SERINC5: variants seen among roughly 807,000 people sequenced by gnomAD.
SERINC5 encodes the protein serine incorporator 5.
In SERINC5, 41 loss-of-function variants were observed where a neutral mutation model predicts 63.1. That is an observed-to-expected ratio of 0.65 (90% CI 0.51 to 0.84). The LOEUF (loss-of-function observed/expected upper bound fraction) is 0.84, where lower values mean the gene tolerates loss of function less well. SERINC5 is among the 40% of genes least tolerant of loss of function. The probability of loss-of-function intolerance (pLI) is 0.00; values close to 1 mark genes in which losing one functional copy is unlikely to be tolerated. For missense variants in SERINC5, 523 were observed against 573.0 expected, an observed-to-expected ratio of 0.91 and a Z score of 0.89; for synonymous variants, 222 against 215.2, an observed-to-expected ratio of 1.03 and a Z score of -0.28.
chr5:80,168,343 T>C (rs140308582), intron 6 of SERINC5, among the ~76,000 whole-genome samples: 11 of 152,000 alleles, frequency 7.2e-5, no homozygotes, highest in Non-Finnish European at 1.3e-4. Flanking sequence ...AATACAGGCG[T>C]GTCCCACCAT....
intron 11 of SERINC5, chr5:80,129,102 G>C (rs1744847095): frequency 6.6e-6 from 1 of 152,216 alleles, no homozygotes; most frequent in Non-Finnish European, 1.5e-5. Context: ...TGACAGGAGA[G>C]TTGTATGGAA....
intron 2 of SERINC5, among the ~76,000 whole-genome samples, chr5:80,189,016 G>T (rs571684713): frequency 4.6e-5 from 7 of 152,150 alleles, no homozygotes; most frequent in African/African-American, 1.7e-4. Context: ...GTTTTTTTCT[G>T]ATTTTTTCTC....
chr5:80,166,392 C>T lies in SERINC5; in HGVS notation c.850G>A (p.Ala284Thr), dbSNP rs1462771146. The change falls in exon 7 of 12, where the codon GCA becomes ACA. Residue 284 changes from alanine (A) to threonine (T), a missense_variant. Coordinates refer to ENST00000507668, the MANE Select transcript of SERINC5 (RefSeq NM_001174072.3). ...TAACAGGCTGGCTTACCTACTTCTG[C>T]AGGTTTGCTGGACAGAGCTGAGAAG... ...LTFSALSSKP[A>T]EVVLDEHGKN... 60 of 1,583,424 alleles carry T rather than the reference C, an allele frequency of 3.8e-5. No homozygotes were observed. Among genetic ancestry groups the T allele is most frequent in the Non-Finnish European group, 5.1e-5 (59 of 1,164,152 alleles).
chr5:80,196,312 A>G (rs1049618577), intron 2 of SERINC5, among the ~76,000 whole-genome samples: 1 of 152,084 alleles, frequency 6.6e-6, no homozygotes, highest in African/African-American at 2.4e-5. Context: ...AGAGGAGATG[A>G]CCACCTCACA....
chr5:80,199,150 G>A (rs1043334529), intron 2 of SERINC5, among the ~76,000 whole-genome samples: 4 of 152,012 alleles, frequency 2.6e-5, no homozygotes, highest in Non-Finnish European at 4.4e-5. Flanking sequence ...ATTTCACCTC[G>A]CCTCACCTCT....
At chr5:80,252,119 G>A (rs1752456459) in intron 1 of SERINC5, among the ~76,000 whole-genome samples, 1 of 140,602 alleles carries the variant, frequency 7.1e-6, no homozygotes, top group Admixed American at 7.7e-5. Flanking sequence ...CTAGGGTGCA[G>A]TGCTCAATAT....
chr5:80,172,711 A>C (rs144661195), intron 5 of SERINC5, among the ~76,000 whole-genome samples: 1 of 152,350 alleles, frequency 6.6e-6, no homozygotes, highest in East Asian at 1.9e-4. Context: ...AAGAAGGAAA[A>C]AAATATCTAA....
At chr5:80,253,013 A>G (rs1752499452) in intron 1 of SERINC5, among the ~76,000 whole-genome samples, 1 of 152,236 alleles carries the variant, frequency 6.6e-6, no homozygotes, top group South Asian at 2.1e-4. Context: ...AATGTAACGA[A>G]GCCAAGAAAC....
intron 1 of SERINC5, among the ~76,000 whole-genome samples, chr5:80,236,335 G>A (rs1441450573): frequency 3.9e-5 from 6 of 152,106 alleles, no homozygotes; most frequent in Admixed American, 2.6e-4. Flanking sequence ...GTAAATGGCT[G>A]AGAACATACC....
chr5:80,205,746 A>C (rs944563837), intron 1 of SERINC5, among the ~76,000 whole-genome samples: 1 of 152,056 alleles, frequency 6.6e-6, no homozygotes, highest in Non-Finnish European at 1.5e-5. Context: ...CTAGCTGTGA[A>C]CTACAAGCAA....
chr5:80,251,937 T>A (rs1382851403), intron 1 of SERINC5, among the ~76,000 whole-genome samples: 1 of 49,708 alleles, frequency 2.0e-5, no homozygotes, highest in African/African-American at 6.6e-5. Flanking sequence ...TGCCTATACT[T>A]GCCTGCAGCA....
At chr5:80,133,170 ACT>A (rs1439902737) in intron 11 of SERINC5, among the ~76,000 whole-genome samples, 4 of 152,268 alleles carry the variant, frequency 2.6e-5, no homozygotes, top group East Asian at 1.9e-4. Flanking sequence ...GTAAAAGCTC[ACT>A]GAGGCCTCTC....
At chr5:80,161,580 T>A (rs73125991) in intron 7 of SERINC5, among the ~76,000 whole-genome samples, 46,408 of 152,082 alleles carry the variant, frequency 0.31, 8,423 homozygotes, top group African/African-American at 0.51. Flanking sequence ...TGTTGAATTG[T>A]GTTCCTTGTA....
chr5:80,151,054 C>T (rs1580068640), intron 8 of SERINC5, 106 bp from the exon 9 acceptor site: 3 of 809,768 alleles, frequency 3.7e-6, no homozygotes, highest in Admixed American at 1.8e-5. Flanking sequence ...CTCAATGTAA[C>T]CTACCGTTCA....
At chr5:80,176,037 G>A (rs867044959) in intron 4 of SERINC5, among the ~76,000 whole-genome samples, 61 of 151,972 alleles carry the variant, frequency 4.0e-4, no homozygotes, top group African/African-American at 1.3e-3. Context: ...AAATTAGCCA[G>A]GCGTGGTGGT....
At chr5:80,154,417 G>A (rs867163033) in intron 8 of SERINC5, among the ~76,000 whole-genome samples, 1 of 152,034 alleles carries the variant, frequency 6.6e-6, no homozygotes, top group Non-Finnish European at 1.5e-5. Context: ...GACCTCAGAC[G>A]ATCCACCCGC....
At chr5:80,187,636 C>T (rs1748895964) in intron 2 of SERINC5, among the ~76,000 whole-genome samples, 1 of 152,158 alleles carries the variant, frequency 6.6e-6, no homozygotes, top group African/African-American at 2.4e-5. Context: ...ATAACAACAA[C>T]CAGTACTGGC....
intron 2 of SERINC5, among the ~76,000 whole-genome samples, chr5:80,187,194 T>C (rs1236583098): frequency 6.6e-6 from 1 of 152,106 alleles, no homozygotes. Flanking sequence ...AATGCAATAT[T>C]AGCAAAGCTA....
chr5:80,126,483 T>C (rs1277768266), intron 11 of SERINC5, among the ~76,000 whole-genome samples: 1 of 152,204 alleles, frequency 6.6e-6, no homozygotes, highest in Non-Finnish European at 1.5e-5. Context: ...CTAACCAACA[T>C]TCACTTACTG....
Sources: gnomAD v4.1 joint callset for allele counts (sites outside exome capture counted in the v4.1 genomes callset) on GRCh38, gnomAD v4.1.1 for gene constraint, MANE v1.5 for transcripts, NCBI Gene and HGNC (gene_info 2026-07-23, HGNC 2026-07-21) for gene names.